The following ENTREP2 variants were observed in gnomAD, a reference collection of about 807,000 sequenced individuals.
ENTREP2 encodes endosomal transmembrane epsin interactor 2, also known as protein ENTREP2.
chr15:29,365,377 C>G, the ENTREP2 span, among the ~76,000 whole-genome samples: 6 of 151,978 alleles, frequency 3.9e-5, no homozygotes, highest in East Asian at 9.7e-4. Flanking sequence ...CTCAGCCTCC[C>G]AAATAGCTGG....
chr15:29,595,567 T>G, the ENTREP2 span, among the ~76,000 whole-genome samples: 1 of 152,182 alleles, frequency 6.6e-6, no homozygotes, highest in African/African-American at 2.4e-5. Context: ...TCGTGGTGTG[T>G]CAGCTTCTCA....
At chr15:29,499,308 C>G in the ENTREP2 span, among the ~76,000 whole-genome samples, 1 of 65,106 alleles carries the variant, frequency 1.5e-5, no homozygotes, top group East Asian at 5.0e-4. Flanking sequence ...TCTGTATCTA[C>G]TATATGTTTT....
chr15:29,169,410 T>C, the ENTREP2 span, among the ~76,000 whole-genome samples: 1 of 152,194 alleles, frequency 6.6e-6, no homozygotes, highest in Non-Finnish European at 1.5e-5. Flanking sequence ...ATAGAGATCC[T>C]ATTATAATAA....
At chr15:29,305,095 G>A in the ENTREP2 span, among the ~76,000 whole-genome samples, 1 of 152,184 alleles carries the variant, frequency 6.6e-6, no homozygotes, top group African/African-American at 2.4e-5. Flanking sequence ...GGTCTGATTT[G>A]TTCCCTGATC....
chr15:29,326,116 T>C, the ENTREP2 span, among the ~76,000 whole-genome samples: 2 of 152,100 alleles, frequency 1.3e-5, no homozygotes, highest in East Asian at 3.9e-4. Flanking sequence ...TATAAAAAGC[T>C]AACATCACAC....
chr15:29,437,914 C>T, the ENTREP2 span, among the ~76,000 whole-genome samples: 4 of 152,192 alleles, frequency 2.6e-5, no homozygotes, highest in South Asian at 6.2e-4. Flanking sequence ...CCGTGGTATT[C>T]AGGAATGTCA....
chr15:29,138,385 T>C, the ENTREP2 span, among the ~76,000 whole-genome samples: 1 of 152,234 alleles, frequency 6.6e-6, no homozygotes, highest in Admixed American at 6.5e-5. Flanking sequence ...GTGAGATGCC[T>C]GGGACATTGC....
At chr15:29,517,776 C>A in the ENTREP2 span, among the ~76,000 whole-genome samples, 2 of 152,026 alleles carry the variant, frequency 1.3e-5, no homozygotes, top group Non-Finnish European at 1.5e-5. Flanking sequence ...CATTTTTCTT[C>A]TTCTGTTTTT....
chr15:29,159,120 A>T, the ENTREP2 span, among the ~76,000 whole-genome samples: 1 of 152,100 alleles, frequency 6.6e-6, no homozygotes, highest in Non-Finnish European at 1.5e-5. Flanking sequence ...CCTCGCGCTG[A>T]GTGTTACAGC....
the ENTREP2 span, among the ~76,000 whole-genome samples, chr15:29,330,941 C>A: frequency 6.6e-6 from 1 of 152,134 alleles, no homozygotes; most frequent in African/African-American, 2.4e-5. Flanking sequence ...CACAGCCAAC[C>A]ACACCCCACC....
the ENTREP2 span, among the ~76,000 whole-genome samples, chr15:29,405,950 G>C: frequency 6.6e-6 from 1 of 152,222 alleles, no homozygotes; most frequent in Non-Finnish European, 1.5e-5. Context: ...AACAAGTTAG[G>C]AAAGGCAGAT....
chr15:29,295,781 C>T, the ENTREP2 span, among the ~76,000 whole-genome samples: 6 of 152,084 alleles, frequency 3.9e-5, no homozygotes, highest in Non-Finnish European at 8.8e-5. Flanking sequence ...AGACGCTGGA[C>T]AAAGGGATGA....
chr15:29,578,096 A>G, the ENTREP2 span, among the ~76,000 whole-genome samples: 1 of 152,328 alleles, frequency 6.6e-6, no homozygotes, highest in South Asian at 2.1e-4. Context: ...TATTATGTAT[A>G]TTTTACCACA....
At chr15:29,267,415 T>C in the ENTREP2 span, 2 of 152,204 alleles carry the variant, frequency 1.3e-5, no homozygotes. Context: ...AACTATTATA[T>C]AGCTATTATT....
chr15:29,666,146 G>A, the ENTREP2 span, among the ~76,000 whole-genome samples: 6 of 151,790 alleles, frequency 4.0e-5, no homozygotes, highest in Non-Finnish European at 7.4e-5. Context: ...GTGAGTCACC[G>A]CACCTGGCCT....
At chr15:29,634,439 G>GA in the ENTREP2 span, among the ~76,000 whole-genome samples, 1 of 152,014 alleles carries the variant, frequency 6.6e-6, no homozygotes, top group Admixed American at 6.6e-5. Flanking sequence ...TGTAAAAGTA[G>GA]AAAAAAACTC....
the ENTREP2 span, among the ~76,000 whole-genome samples, chr15:29,338,437 A>AAAAAG: frequency 1.3e-5 from 2 of 151,692 alleles, no homozygotes; most frequent in Non-Finnish European, 2.9e-5. Context: ...AAAAAAAAAA[A>AAAAAG]AAAAGAAAAG....
the ENTREP2 span, among the ~76,000 whole-genome samples, chr15:29,476,784 C>G: frequency 3.3e-5 from 5 of 152,198 alleles, no homozygotes; most frequent in African/African-American, 1.2e-4. Flanking sequence ...CAAGTGCCAG[C>G]AAGGAGCGGC....
At chr15:29,663,423 T>C in the ENTREP2 span, among the ~76,000 whole-genome samples, 2 of 152,160 alleles carry the variant, frequency 1.3e-5, no homozygotes, top group Admixed American at 1.3e-4. Flanking sequence ...TGTATGTTTA[T>C]TGCAGCACTA....
Sources: gnomAD v4.1 joint callset for allele counts (sites outside exome capture counted in the v4.1 genomes callset) on GRCh38, gnomAD v4.1.1 for gene constraint, MANE v1.5 for transcripts, NCBI Gene and HGNC (gene_info 2026-07-23, HGNC 2026-07-21) for gene names.